ADGRB3: variants seen among roughly 807,000 people sequenced by gnomAD.
The protein encoded by ADGRB3 is brain-specific angiogenesis inhibitor 3.
In ADGRB3, 37 loss-of-function variants were observed where a neutral mutation model predicts 193.4. The ratio of observed to expected loss-of-function variants is 0.19; its 90% CI spans 0.15 to 0.25. The LOEUF is 0.25. Among genes scored for constraint, ADGRB3 ranks in the 10% least tolerant of loss-of-function variants. The pLI, the probability that ADGRB3 is intolerant of heterozygous loss-of-function variation, is 1.00. For synonymous variants in ADGRB3, 690 were observed against 644.2 expected (o/e 1.07, Z -1.08); for missense variants, 1,637 against 1,852.9 (o/e 0.88, Z 2.14).
At chr6:68,683,741 G>A (rs564490570) in intron 3 of ADGRB3, among the ~76,000 whole-genome samples, 52 of 152,236 alleles carry the variant, frequency 3.4e-4, no homozygotes, top group African/African-American at 8.9e-4. Context: ...GAGAAGTGAC[G>A]TCTGATTTAA....
chr6:69,140,581 T>A (rs1219932475), intron 17 of ADGRB3, among the ~76,000 whole-genome samples: 1 of 152,172 alleles, frequency 6.6e-6, no homozygotes, highest in African/African-American at 2.4e-5. Context: ...AGATCTAGCA[T>A]TTAATCGCAA....
intron 17 of ADGRB3, among the ~76,000 whole-genome samples, chr6:69,153,919 G>C (rs368548951): frequency 1.3e-5 from 2 of 152,194 alleles, no homozygotes; most frequent in East Asian, 3.9e-4. Flanking sequence ...TGTGAACCCG[G>C]GAGGCAGAGC....
chr6:69,306,136 A>G, intron 20 of ADGRB3, among the ~76,000 whole-genome samples: 1 of 151,470 alleles, frequency 6.6e-6, no homozygotes, highest in East Asian at 1.9e-4. Context: ...GGTGGGGGGA[A>G]GCAACTGTAT....
chr6:68,692,915 T>A (rs1030428613), intron 3 of ADGRB3, among the ~76,000 whole-genome samples: 3 of 151,344 alleles, frequency 2.0e-5, no homozygotes, highest in African/African-American at 2.4e-5. Flanking sequence ...ATATACATGA[T>A]AGATATAGAT....
At chr6:68,984,704 A>C (rs1441936424) in intron 10 of ADGRB3, among the ~76,000 whole-genome samples, 1 of 152,152 alleles carries the variant, frequency 6.6e-6, no homozygotes, top group Non-Finnish European at 1.5e-5. Flanking sequence ...TTTAGAAGAG[A>C]AACATGAAAA....
chr6:69,310,187 T>C (rs1768160901), intron 20 of ADGRB3, among the ~76,000 whole-genome samples: 1 of 151,824 alleles, frequency 6.6e-6, no homozygotes, highest in Admixed American at 6.6e-5. Flanking sequence ...TTCTCTTTTC[T>C]TGTTGGCACT....
intron 3 of ADGRB3, among the ~76,000 whole-genome samples, chr6:68,694,683 C>A (rs1582128897): frequency 1.3e-5 from 2 of 151,974 alleles, no homozygotes; most frequent in Admixed American, 1.3e-4. Context: ...TGGTCATTCT[C>A]TTGTCTCCAG....
At chr6:68,720,408 C>T (rs575546309) in intron 3 of ADGRB3, among the ~76,000 whole-genome samples, 1 of 151,778 alleles carries the variant, frequency 6.6e-6, no homozygotes, top group East Asian at 1.9e-4. Context: ...TTATGACTAA[C>T]CTTGGGCTTT....
chr6:68,656,969 G>T (rs1236507531), intron 3 of ADGRB3, among the ~76,000 whole-genome samples: 1 of 151,450 alleles, frequency 6.6e-6, no homozygotes, highest in Non-Finnish European at 1.5e-5. Flanking sequence ...TCTTAATTCA[G>T]GTTTTTTAAG....
chr6:69,354,301 G>T lies in ADGRB3; in HGVS notation c.3528G>T (p.Ser1176=), dbSNP rs147253402. The T allele has an allele frequency of 5.0e-6, 8 of 1,613,680 alleles. No homozygotes were observed. The South Asian group carries it at 7.7e-5, about 16-fold the overall frequency. ...QDPINADSSS[S]FPNGHAQIMT... ...CCATCAATGCAGATTCTTCGAGTTC[G>T]TTTCCTAATGGGCATGCTCAAATCA... The change falls in exon 27 of 32, where the codon TCG becomes TCT. Residue 1176 remains serine (S), a synonymous_variant. Transcript: ENST00000370598.
intron 10 of ADGRB3, among the ~76,000 whole-genome samples, chr6:68,984,191 C>T (rs1242353943): frequency 6.6e-6 from 1 of 152,106 alleles, no homozygotes; most frequent in Non-Finnish European, 1.5e-5. Flanking sequence ...TAAAGAGGGT[C>T]ATATGAGGTT....
chr6:68,802,198 GTGTGTGTGTGTGTA>G (rs1405248359), intron 3 of ADGRB3, among the ~76,000 whole-genome samples: 1 of 151,710 alleles, frequency 6.6e-6, no homozygotes, highest in Non-Finnish European at 1.5e-5. Context: ...GTGTGTGTGT[GTGTGTGTGTGTGTA>G]TGTGTGTGTG....
intron 17 of ADGRB3, among the ~76,000 whole-genome samples, chr6:69,188,734 A>G (rs976203702): frequency 2.0e-5 from 3 of 152,298 alleles, no homozygotes; most frequent in South Asian, 2.1e-4. Flanking sequence ...AAAAATATCT[A>G]TGTGTCTGGG....
chr6:68,801,424 A>C (rs1448298192), intron 3 of ADGRB3, among the ~76,000 whole-genome samples: 2 of 152,138 alleles, frequency 1.3e-5, no homozygotes, highest in Admixed American at 6.5e-5. Context: ...GCAGTGGCTC[A>C]TGCCTGTAAT....
At chr6:69,272,024 T>G (rs1474977210) in intron 20 of ADGRB3, among the ~76,000 whole-genome samples, 1 of 152,076 alleles carries the variant, frequency 6.6e-6, no homozygotes, top group Admixed American at 6.6e-5. Context: ...CCAAACACAT[T>G]AGGGCAAAAA....
intron 3 of ADGRB3, among the ~76,000 whole-genome samples, chr6:68,844,179 A>G (rs771626015): frequency 1.3e-5 from 2 of 152,154 alleles, no homozygotes; most frequent in African/African-American, 2.4e-5. Context: ...ATGGTATTAC[A>G]TGAAGTTAAA....
At position 69,051,833 on chromosome 6, in the gene ADGRB3, C is replaced by T. The variant is rs373846171; in HGVS notation, c.2333+2487C>T. Among the ~76,000 whole-genome samples, 3 of 152,296 alleles carry T rather than the reference C, an allele frequency of 2.0e-5. No individual in the cohort carries two copies. The East Asian group carries it at 5.8e-4, about 29-fold the overall frequency. ...ACTGTATTAATTCTTTTAAACTTCC[C>T]CTGCTATCGCAACTCTCAGAACAGT... On this transcript the variant is annotated intron_variant, in intron 15 of 31. Transcript: ENST00000370598.
At chr6:68,897,553 A>G (rs1295685819) in intron 3 of ADGRB3, among the ~76,000 whole-genome samples, 3 of 38,502 alleles carry the variant, frequency 7.8e-5, no homozygotes, top group Non-Finnish European at 1.8e-4. Flanking sequence ...GGAAGGAAGG[A>G]AGGAAAGAAA....
chr6:69,159,805 G>A (rs758945946), intron 17 of ADGRB3, among the ~76,000 whole-genome samples: 40 of 151,990 alleles, frequency 2.6e-4, no homozygotes, highest in Non-Finnish European at 5.1e-4. Context: ...ATTTCCACAT[G>A]GACATCTCTT....
Sources: gnomAD v4.1 joint callset for allele counts (sites outside exome capture counted in the v4.1 genomes callset) on GRCh38, gnomAD v4.1.1 for gene constraint, MANE v1.5 for transcripts, NCBI Gene and HGNC (gene_info 2026-07-23, HGNC 2026-07-21) for gene names.